C12orf42: variants seen among roughly 807,000 people sequenced by gnomAD.
C12orf42 encodes the protein uncharacterized protein C12orf42.
C12orf42 carries 25 observed loss-of-function variants against 21.6 expected under a neutral mutation model. The ratio of observed to expected loss-of-function variants is 1.16; its 90% CI spans 0.84 to 1.62. C12orf42 has a LOEUF of 1.62. C12orf42 is among the 40% of genes most tolerant of loss of function. C12orf42 has a pLI of 0.00. For missense variants in C12orf42, 483 were observed against 459.3 expected (o/e 1.05, Z -0.47); for synonymous variants, 174 against 175.0 (o/e 0.99, Z 0.05).
At chr12:103,525,472 TTGA>T in the C12orf42 span, among the ~76,000 whole-genome samples, 1 of 152,294 alleles carries the variant, frequency 6.6e-6, no homozygotes, top group South Asian at 2.1e-4. Context: ...TGATGTGATG[TTGA>T]TGATGGTGAT....
At chr12:103,287,071 T>C (rs1023220298) in intron 4 of C12orf42, among the ~76,000 whole-genome samples, 4 of 152,228 alleles carry the variant, frequency 2.6e-5, no homozygotes, top group South Asian at 4.1e-4. Context: ...CTGGAGAGGA[T>C]GTGGAGAAAT....
At chr12:103,167,006 C>T in the C12orf42 span, among the ~76,000 whole-genome samples, 1 of 152,160 alleles carries the variant, frequency 6.6e-6, no homozygotes, top group Non-Finnish European at 1.5e-5. Context: ...TTAAATTTCT[C>T]CTTGCTGTTA....
Position 103,294,389 on chromosome 12 carries a change from AAAAGAAAG to A in C12orf42, n.338-17187_338-17180del, listed in dbSNP as rs10579611. ...AAAGAAAGAGAAAGAAGAAAGAAGA[AAAAGAAAG>A]AAAGAAAGAAAGAAAGAGAGAAAGG... On this transcript the variant is annotated intron_variant and non_coding_transcript_variant, in intron 4 of 6. Transcript: ENST00000546526. 1.2e-4 allele frequency among the ~76,000 whole-genome samples: 14 copies of A among 118,854 alleles called. 1 individual carries two copies. Among genetic ancestry groups the A allele is most frequent in the African/African-American group, 3.9e-4 (11 of 28,356 alleles). The allele number at this position is 118,854 out of a possible 152,430, so 78.0% of individuals were successfully genotyped here.
chr12:103,195,720 TC>T, the C12orf42 span, among the ~76,000 whole-genome samples: 2 of 152,176 alleles, frequency 1.3e-5, no homozygotes, highest in Non-Finnish European at 2.9e-5. Context: ...AAATATTTTT[TC>T]CTATTCTGTA....
the C12orf42 span, among the ~76,000 whole-genome samples, chr12:103,224,310 C>T: frequency 1.7e-3 from 258 of 151,830 alleles, no homozygotes; most frequent in African/African-American, 5.8e-3. Flanking sequence ...AAGTTATTTC[C>T]TTGAGGATAG....
intron 4 of C12orf42, among the ~76,000 whole-genome samples, chr12:103,313,134 G>A (rs944467041): frequency 9.2e-5 from 14 of 152,126 alleles, no homozygotes; most frequent in Non-Finnish European, 1.6e-4. Context: ...ATGAAACAGA[G>A]ACAATTAATT....
chr12:103,225,534 G>A, the C12orf42 span, among the ~76,000 whole-genome samples: 3 of 152,006 alleles, frequency 2.0e-5, no homozygotes, highest in Non-Finnish European at 4.4e-5. Flanking sequence ...TAAGGTGGGG[G>A]GATACAAGAG....
chr12:103,314,928 T>C (rs1416367078), intron 4 of C12orf42, among the ~76,000 whole-genome samples: 2 of 152,176 alleles, frequency 1.3e-5, no homozygotes, highest in Non-Finnish European at 2.9e-5. Flanking sequence ...GGCTTCAGTA[T>C]AATAACGGTG....
intron 2 of C12orf42, among the ~76,000 whole-genome samples, chr12:103,457,519 C>G (rs1309341910): frequency 6.6e-6 from 1 of 152,134 alleles, no homozygotes. Flanking sequence ...GAAGATGGTC[C>G]ATCTCGCAGA....
the C12orf42 span, among the ~76,000 whole-genome samples, chr12:103,168,470 A>G: frequency 6.6e-6 from 1 of 152,222 alleles, no homozygotes; most frequent in Non-Finnish European, 1.5e-5. Flanking sequence ...TAAATACATT[A>G]TTCTCACTAT....
At chr12:103,516,124 C>T in the C12orf42 span, among the ~76,000 whole-genome samples, 1 of 152,164 alleles carries the variant, frequency 6.6e-6, no homozygotes, top group Admixed American at 6.5e-5. Context: ...AAGTTAATAA[C>T]TTGATGTGCC....
At chr12:103,182,790 A>C in the C12orf42 span, among the ~76,000 whole-genome samples, 2 of 152,262 alleles carry the variant, frequency 1.3e-5, no homozygotes, top group Non-Finnish European at 2.9e-5. Flanking sequence ...CTTACTGCTG[A>C]TATCTCCCAA....
At chr12:103,324,022 C>T (rs1000109293) in intron 4 of C12orf42, among the ~76,000 whole-genome samples, 11 of 152,080 alleles carry the variant, frequency 7.2e-5, no homozygotes, top group African/African-American at 2.7e-4. Flanking sequence ...TTCCCACATC[C>T]TCTTTAACAC....
the C12orf42 span, among the ~76,000 whole-genome samples, chr12:103,170,836 T>C: frequency 2.0e-5 from 3 of 152,188 alleles, no homozygotes; most frequent in Non-Finnish European, 4.4e-5. Context: ...TAACTGACAA[T>C]GTAGTTGAGT....
chr12:103,442,468 CAA>C (rs1463403601), intron 2 of C12orf42, among the ~76,000 whole-genome samples: 1 of 152,278 alleles, frequency 6.6e-6, no homozygotes, highest in East Asian at 1.9e-4. Flanking sequence ...GCTTCCCTTG[CAA>C]AGCCCTATCA....
chr12:103,491,284 A>G (rs1255102964), intron 1 of C12orf42, among the ~76,000 whole-genome samples: 3 of 152,172 alleles, frequency 2.0e-5, no homozygotes, highest in Admixed American at 6.5e-5. Context: ...TTGTTGGGCT[A>G]TTTTAACTGC....
At chr12:103,447,333 A>G (rs1451891078) in intron 2 of C12orf42, among the ~76,000 whole-genome samples, 1 of 151,976 alleles carries the variant, frequency 6.6e-6, no homozygotes, top group Non-Finnish European at 1.5e-5. Context: ...CACAGCCAAC[A>G]TTATACTGAA....
the C12orf42 span, among the ~76,000 whole-genome samples, chr12:103,521,627 G>A: frequency 6.6e-6 from 1 of 152,130 alleles, no homozygotes. Flanking sequence ...AACCACCATG[G>A]CTCATGTTTA....
chr12:103,517,736 T>C, the C12orf42 span, among the ~76,000 whole-genome samples: 1 of 152,180 alleles, frequency 6.6e-6, no homozygotes, highest in Non-Finnish European at 1.5e-5. Context: ...ATGTTGCTTA[T>C]GTTTCTCTGT....
Sources: allele counts gnomAD v4.1 joint callset (sites outside exome capture counted in the v4.1 genomes callset), GRCh38; gene constraint gnomAD v4.1.1; transcripts MANE v1.5; gene names NCBI Gene and HGNC (gene_info 2026-07-23, HGNC 2026-07-21).